The following BCL2 variants were observed in gnomAD, a reference collection of about 807,000 sequenced individuals.
The protein encoded by BCL2 is BCL2 apoptosis regulator.
A neutral mutation model predicts 14.2 loss-of-function variants in BCL2; 1 was observed. The observed-to-expected ratio is 0.07, with a 90% CI of 0.02 to 0.33. The LOEUF is 0.33. Among genes scored for constraint, BCL2 ranks in the 10% least tolerant of loss-of-function variants. The pLI is 0.99. For missense variants in BCL2, 247 were observed against 305.9 expected, an observed-to-expected ratio of 0.81 and a Z score of 1.44; for synonymous variants, 151 against 137.2, an observed-to-expected ratio of 1.10 and a Z score of -0.70.
At chr18:63,226,041 G>T (rs190502352) in intron 2 of BCL2, among the ~76,000 whole-genome samples, 1 of 152,190 alleles carries the variant, frequency 6.6e-6, no homozygotes, top group African/African-American at 2.4e-5. Context: ...TACTGCCAAT[G>T]AAAGTGGCTT....
chr18:63,152,214 T>C (rs1914668309), intron 2 of BCL2, among the ~76,000 whole-genome samples: 1 of 152,202 alleles, frequency 6.6e-6, no homozygotes, highest in South Asian at 2.1e-4. Flanking sequence ...TTTATCTAAC[T>C]AAGAGAAAAC....
chr18:63,207,406 C>T (rs532797227), intron 2 of BCL2, among the ~76,000 whole-genome samples: 2 of 152,352 alleles, frequency 1.3e-5, no homozygotes, highest in Admixed American at 1.3e-4. Flanking sequence ...GAGAGGGAAA[C>T]CAGCGACAGA....
intron 2 of BCL2, among the ~76,000 whole-genome samples, chr18:63,311,263 G>T (rs1228971103): frequency 6.6e-6 from 1 of 152,118 alleles, no homozygotes; most frequent in African/African-American, 2.4e-5. Context: ...TCATCATGTT[G>T]TAAAGCAGAA....
At chr18:63,305,899 C>G (rs1376837173) in intron 2 of BCL2, among the ~76,000 whole-genome samples, 2 of 151,758 alleles carry the variant, frequency 1.3e-5, no homozygotes, top group African/African-American at 4.8e-5. Flanking sequence ...AAGTGAGATC[C>G]TGTCGCAAAA....
At chr18:63,141,429 T>C (rs1298707836) in intron 2 of BCL2, among the ~76,000 whole-genome samples, 3 of 152,074 alleles carry the variant, frequency 2.0e-5, no homozygotes, top group Non-Finnish European at 4.4e-5. Flanking sequence ...GCACTGAAGC[T>C]GTGACCTCTG....
intron 2 of BCL2, among the ~76,000 whole-genome samples, chr18:63,143,425 C>T (rs967132119): frequency 5.3e-5 from 8 of 152,334 alleles, no homozygotes; most frequent in African/African-American, 1.9e-4. Context: ...AAGGTCAGAA[C>T]ACTACACGTG....
intron 2 of BCL2, among the ~76,000 whole-genome samples, chr18:63,252,647 GATCCT>G (rs1911350072): frequency 2.6e-5 from 4 of 152,198 alleles, no homozygotes; most frequent in Admixed American, 2.0e-4. Context: ...GATGTGACTT[GATCCT>G]CTCCTCTTGT....
At chr18:63,155,185 G>A (rs990209369) in intron 2 of BCL2, among the ~76,000 whole-genome samples, 2 of 152,186 alleles carry the variant, frequency 1.3e-5, no homozygotes, top group African/African-American at 2.4e-5. Flanking sequence ...TCGGCACAGG[G>A]CGGGCAGAGG....
intron 2 of BCL2, among the ~76,000 whole-genome samples, chr18:63,226,910 C>T (rs1910564139): frequency 6.6e-6 from 1 of 152,006 alleles, no homozygotes; most frequent in South Asian, 2.1e-4. Flanking sequence ...TAAAAGAGGA[C>T]TCAGATAGAT....
chr18:63,209,407 T>C lies in BCL2; in HGVS notation c.586-80648A>G, dbSNP rs1413149086. Among the ~76,000 whole-genome samples, 3 of 152,166 alleles carry C rather than the reference T, an allele frequency of 2.0e-5. No homozygotes were observed. The East Asian group carries it at 5.8e-4, about 29-fold the overall frequency. ...GGGGGAAATGAAGTGTTAGTCTGTG[T>C]ACGGATACAAAGAAAGTGAGATGAT... On this transcript the variant is annotated intron_variant, in intron 2 of 2. Transcript: ENST00000333681.
At chr18:63,152,076 A>T (rs1914665453) in intron 2 of BCL2, among the ~76,000 whole-genome samples, 2 of 152,344 alleles carry the variant, frequency 1.3e-5, no homozygotes, top group Non-Finnish European at 2.9e-5. Flanking sequence ...AGGGCATCCA[A>T]GACCCTGATC....
At chr18:63,144,809 CAT>C (rs1445326562) in intron 2 of BCL2, among the ~76,000 whole-genome samples, 3 of 152,152 alleles carry the variant, frequency 2.0e-5, no homozygotes, top group Non-Finnish European at 4.4e-5. Context: ...AATGGGGCCA[CAT>C]CAACAGAAAG....
chr18:63,163,088 G>T (rs1230584656), intron 2 of BCL2, among the ~76,000 whole-genome samples: 5 of 152,090 alleles, frequency 3.3e-5, no homozygotes, highest in African/African-American at 1.2e-4. Flanking sequence ...TCAAGTCATT[G>T]GTCCACCTCG....
At chr18:63,311,633 G>T (rs932065529) in intron 2 of BCL2, among the ~76,000 whole-genome samples, 3 of 152,106 alleles carry the variant, frequency 2.0e-5, no homozygotes, top group Non-Finnish European at 4.4e-5. Context: ...AACTAAAAAT[G>T]GAATACGCTT....
intron 2 of BCL2, among the ~76,000 whole-genome samples, chr18:63,133,577 C>G (rs1311248937): frequency 3.9e-5 from 6 of 152,054 alleles, no homozygotes; most frequent in African/African-American, 1.4e-4. Flanking sequence ...CATGAGCCAC[C>G]ACCCCTGGTC....
chr18:63,146,225 C>A (rs532970053), intron 2 of BCL2, among the ~76,000 whole-genome samples: 1 of 152,340 alleles, frequency 6.6e-6, no homozygotes, highest in East Asian at 1.9e-4. Flanking sequence ...TAATTCCCCA[C>A]TCCCTCAGAT....
At chr18:63,212,167 A>G (rs1035159430) in intron 2 of BCL2, among the ~76,000 whole-genome samples, 2 of 151,324 alleles carry the variant, frequency 1.3e-5, no homozygotes, top group Non-Finnish European at 3.0e-5. Flanking sequence ...CTCTACTAAA[A>G]ATACAAAAAT....
intron 2 of BCL2, among the ~76,000 whole-genome samples, chr18:63,215,964 A>T (rs1348842759): frequency 3.9e-5 from 6 of 152,188 alleles, no homozygotes; most frequent in Non-Finnish European, 7.3e-5. Context: ...GTCTTATGCC[A>T]GGCAATGTAT....
At chr18:63,298,424 C>T (rs1399106743) in intron 2 of BCL2, among the ~76,000 whole-genome samples, 1 of 152,212 alleles carries the variant, frequency 6.6e-6, no homozygotes, top group Non-Finnish European at 1.5e-5. Context: ...AAGGGCCTCT[C>T]CTCCTTTTAG....
Sources: gnomAD v4.1 joint callset for allele counts (sites outside exome capture counted in the v4.1 genomes callset) on GRCh38, gnomAD v4.1.1 for gene constraint, MANE v1.5 for transcripts, NCBI Gene and HGNC (gene_info 2026-07-23, HGNC 2026-07-21) for gene names.